SLC35D4: variants seen among roughly 807,000 people sequenced by gnomAD.
SLC35D4 encodes UDP-N-acetylglucosamine transporter SLC35D4.
chr18:23,375,065 A>T, the SLC35D4 span, among the ~76,000 whole-genome samples: 1 of 151,860 alleles, frequency 6.6e-6, no homozygotes, highest in Non-Finnish European at 1.5e-5. Context: ...CAGTGAGCCA[A>T]GATGGCACCA....
At chr18:23,250,956 TACTA>T in the SLC35D4 span, among the ~76,000 whole-genome samples, 1 of 152,212 alleles carries the variant, frequency 6.6e-6, no homozygotes, top group Admixed American at 6.5e-5. Context: ...TCCTCCTTGC[TACTA>T]ACTGACACCA....
At chr18:23,328,274 G>T in the SLC35D4 span, among the ~76,000 whole-genome samples, 3,841 of 152,274 alleles carry the variant, frequency 0.025, 159 homozygotes, top group African/African-American at 0.086. Context: ...GTCTCTATTT[G>T]CAGATGACAT....
the SLC35D4 span, among the ~76,000 whole-genome samples, chr18:23,256,016 C>G: frequency 6.6e-6 from 1 of 152,192 alleles, no homozygotes; most frequent in Non-Finnish European, 1.5e-5. Flanking sequence ...CCTTGGCCTT[C>G]CTTACATGGG....
the SLC35D4 span, among the ~76,000 whole-genome samples, chr18:23,291,464 G>A: frequency 1.3e-5 from 2 of 152,202 alleles, no homozygotes; most frequent in Non-Finnish European, 2.9e-5. Context: ...GGGACTGCTG[G>A]GCAGGGTGAT....
the SLC35D4 span, among the ~76,000 whole-genome samples, chr18:23,419,652 G>A: frequency 6.6e-6 from 1 of 152,116 alleles, no homozygotes; most frequent in African/African-American, 2.4e-5. Context: ...CTAATGTAAT[G>A]TGTGATCTGG....
the SLC35D4 span, among the ~76,000 whole-genome samples, chr18:23,288,178 G>A: frequency 6.6e-6 from 1 of 152,174 alleles, no homozygotes; most frequent in Non-Finnish European, 1.5e-5. Context: ...TGATCCACCT[G>A]ACGTTCACCC....
the SLC35D4 span, among the ~76,000 whole-genome samples, chr18:23,429,924 T>A: frequency 6.6e-6 from 1 of 152,224 alleles, no homozygotes; most frequent in Non-Finnish European, 1.5e-5. Context: ...GTTGGATGCA[T>A]AGTTTGCAAA....
At chr18:23,356,551 C>A in the SLC35D4 span, 1 of 1,599,470 alleles carries the variant, frequency 6.3e-7, no homozygotes, top group Non-Finnish European at 8.6e-7. The surrounding 1 kb of genome is among the most constrained non-coding windows in gnomAD (Gnocchi z 4.1). Flanking sequence ...GAAGACACAG[C>A]GGACAGCACA....
At chr18:23,278,224 G>C in the SLC35D4 span, among the ~76,000 whole-genome samples, 1 of 152,144 alleles carries the variant, frequency 6.6e-6, no homozygotes, top group Non-Finnish European at 1.5e-5. Flanking sequence ...GACTTATCTG[G>C]TGCCCTGGCT....
the SLC35D4 span, among the ~76,000 whole-genome samples, chr18:23,250,186 G>C: frequency 2.0e-5 from 3 of 152,196 alleles, no homozygotes; most frequent in African/African-American, 7.2e-5. Context: ...TCGTTAAGCA[G>C]CAGGATATCC....
At chr18:23,411,548 A>AGAAG in the SLC35D4 span, among the ~76,000 whole-genome samples, 17 of 150,392 alleles carry the variant, frequency 1.1e-4, no homozygotes, top group East Asian at 5.9e-4. Context: ...AAAGAAAGAA[A>AGAAG]GAAAGGTGTG....
At chr18:23,373,584 T>C in the SLC35D4 span, 1 of 1,026,886 alleles carries the variant, frequency 9.7e-7, no homozygotes, top group Non-Finnish European at 1.5e-6. Flanking sequence ...GCCTGCAAGA[T>C]TTGGAATGCT....
the SLC35D4 span, among the ~76,000 whole-genome samples, chr18:23,345,284 C>G: frequency 6.6e-6 from 1 of 151,842 alleles, no homozygotes; most frequent in Non-Finnish European, 1.5e-5. Flanking sequence ...GAGTTCAAGA[C>G]CAGTCTGACC....
chr18:23,398,647 A>G, the SLC35D4 span, among the ~76,000 whole-genome samples: 6 of 152,246 alleles, frequency 3.9e-5, no homozygotes, highest in Admixed American at 3.3e-4. Context: ...TTAATTTCAA[A>G]ATTACAGTCC....
At chr18:23,327,434 A>G in the SLC35D4 span, among the ~76,000 whole-genome samples, 1 of 152,238 alleles carries the variant, frequency 6.6e-6, no homozygotes, top group African/African-American at 2.4e-5. Context: ...CTACGCAAAT[A>G]AACTAGAAAA....
chr18:23,400,908 T>C, the SLC35D4 span, among the ~76,000 whole-genome samples: 3 of 152,206 alleles, frequency 2.0e-5, no homozygotes, highest in East Asian at 5.8e-4. Flanking sequence ...CTTCAATCCT[T>C]ACTTGCTGCA....
chr18:23,276,233 A>G, the SLC35D4 span, among the ~76,000 whole-genome samples: 40,285 of 151,444 alleles, frequency 0.27, 6,460 homozygotes, highest in African/African-American at 0.44. Context: ...GACTACAGGC[A>G]CCCACCAAAA....
the SLC35D4 span, among the ~76,000 whole-genome samples, chr18:23,290,335 C>G: frequency 6.6e-6 from 1 of 152,256 alleles, no homozygotes; most frequent in South Asian, 2.1e-4. Flanking sequence ...CCTGGCCTCC[C>G]AGAACCAGCT....
At chr18:23,290,220 A>G in the SLC35D4 span, among the ~76,000 whole-genome samples, 1 of 152,284 alleles carries the variant, frequency 6.6e-6, no homozygotes, top group East Asian at 1.9e-4. Flanking sequence ...GAAATTAACC[A>G]TGGGGTCTGT....
Sources: allele counts gnomAD v4.1 joint callset (sites outside exome capture counted in the v4.1 genomes callset), GRCh38; gene constraint gnomAD v4.1.1; non-coding constraint Gnocchi (gnomAD v3.1); transcripts MANE v1.5; gene names NCBI Gene and HGNC (gene_info 2026-07-23, HGNC 2026-07-21).